XKR4: variants seen among roughly 807,000 people sequenced by gnomAD.
The protein encoded by XKR4 is XK-related protein 4.
A neutral mutation model predicts 53.9 loss-of-function variants in XKR4; 12 were observed. That is an observed-to-expected ratio of 0.22 (90% CI 0.14 to 0.36). The LOEUF (loss-of-function observed/expected upper bound fraction) is 0.36, where lower values mean the gene tolerates loss of function less well. XKR4 is among the 10% of genes least tolerant of loss of function. The pLI, the probability that XKR4 is intolerant of heterozygous loss-of-function variation, is 1.00. For missense variants in XKR4, 799 were observed against 859.5 expected (o/e 0.93, Z 0.88); for synonymous variants, 354 against 362.4 (o/e 0.98, Z 0.26).
At chr8:55,389,038 T>A (rs1642634143) in intron 2 of XKR4, among the ~76,000 whole-genome samples, 2 of 152,174 alleles carry the variant, frequency 1.3e-5, no homozygotes, top group South Asian at 4.1e-4. Context: ...ACAGGTCTTC[T>A]TTTAAAAAGG....
chr8:55,373,945 C>T (rs986091483), intron 2 of XKR4, among the ~76,000 whole-genome samples: 1 of 151,962 alleles, frequency 6.6e-6, no homozygotes, highest in African/African-American at 2.4e-5. Flanking sequence ...TGTACAAATG[C>T]TTGGAGGGGA....
intron 2 of XKR4, chr8:55,451,985 A>G (rs1310984000): frequency 1.9e-5 from 15 of 774,652 alleles, no homozygotes; most frequent in Non-Finnish European, 3.3e-5. Context: ...TGCGAGTGAC[A>G]TGCTGCCGCC....
intron 1 of XKR4, among the ~76,000 whole-genome samples, chr8:55,158,470 T>C (rs747481146): frequency 7.2e-5 from 11 of 152,232 alleles, no homozygotes; most frequent in African/African-American, 1.2e-4. Flanking sequence ...CTGTTGGTAG[T>C]TTCTTTTACT....
intron 1 of XKR4, among the ~76,000 whole-genome samples, chr8:55,190,095 A>C (rs546724997): frequency 6.6e-6 from 1 of 152,316 alleles, no homozygotes; most frequent in South Asian, 2.1e-4. Flanking sequence ...GTGTGTTTAA[A>C]CCATTTTGAG....
rs1400439387 is a variant in XKR4, at chr8:55,396,119, G to A, written c.1006+38242G>A. Among the ~76,000 whole-genome samples, 6 of 152,208 alleles carry A rather than the reference G, an allele frequency of 3.9e-5. No individual in the cohort carries two copies. The East Asian group carries it at 1.2e-3, about 29-fold the overall frequency. ...ATGGGGGTATTAGGGTTTTAACACAGGAATTTCAAAAGGACACATTCAGTT... is the reference window on the plus strand; with the variant it reads ...ATGGGGGTATTAGGGTTTTAACACAAGAATTTCAAAAGGACACATTCAGTT... On this transcript the variant is annotated intron_variant, in intron 2 of 2. Transcript: ENST00000327381.
At chr8:55,452,765 A>G in intron 2 of XKR4, 2 of 815,004 alleles carry the variant, frequency 2.5e-6, no homozygotes, top group Non-Finnish European at 4.3e-6. Context: ...TCCCCGTGTC[A>G]TAGCTCTCAG....
Position 55,176,539 on chromosome 8 carries a change from G to C in XKR4, c.806+73245G>C, listed in dbSNP as rs138397400. On this transcript the variant is annotated intron_variant, in intron 1 of 2. Transcript: ENST00000327381. ...GGTCTTTGGAACACAGAATAAAGTC[G>C]CTCTTTCTAAAAGCAATTCATTTTA... Among the ~76,000 whole-genome samples, 463 of 152,180 alleles carry C rather than the reference G, an allele frequency of 3.0e-3. 5 individuals carry two copies. The Middle Eastern group carries it at 0.037, about 12-fold the overall frequency.
chr8:55,137,875 T>G (rs541787845), intron 1 of XKR4, among the ~76,000 whole-genome samples: 5 of 152,066 alleles, frequency 3.3e-5, no homozygotes, highest in African/African-American at 9.6e-5. Flanking sequence ...TCACAGAAAA[T>G]TATAAAAGAC....
intron 1 of XKR4, among the ~76,000 whole-genome samples, chr8:55,306,517 C>T (rs111822417): frequency 1.5e-4 from 23 of 152,190 alleles, no homozygotes; most frequent in South Asian, 2.1e-4. Context: ...ACTATCATGG[C>T]GGAAGGCAAG....
intron 2 of XKR4, among the ~76,000 whole-genome samples, chr8:55,374,203 A>C (rs182636260): frequency 6.6e-6 from 1 of 152,388 alleles, no homozygotes; most frequent in Non-Finnish European, 1.5e-5. Context: ...ATAATAATGT[A>C]TCACATTATT....
intron 1 of XKR4, among the ~76,000 whole-genome samples, chr8:55,103,855 A>G (rs200890144): frequency 0.2 from 8,102 of 40,374 alleles, 524 homozygotes; most frequent in Admixed American, 0.25. Context: ...GACTTTGTAT[A>G]TATATATATA....
Position 55,483,453 on chromosome 8 carries a change from G to C in XKR4, c.1007-39828G>C, listed in dbSNP as rs560030227. Among the ~76,000 whole-genome samples, 49 of 152,150 alleles carry C rather than the reference G, an allele frequency of 3.2e-4. 1 individual carries two copies. The South Asian group carries it at 9.9e-3, about 31-fold the overall frequency. ...AAATTTGGCTAGAAATAAGGTTTTCGTTGCAAGAAGTAATGAGAAATGGGG... is the reference window on the plus strand; with the variant it reads ...AAATTTGGCTAGAAATAAGGTTTTCCTTGCAAGAAGTAATGAGAAATGGGG... On this transcript the variant is annotated intron_variant, in intron 2 of 2. Transcript: ENST00000327381.
intron 1 of XKR4, among the ~76,000 whole-genome samples, chr8:55,159,550 G>T (rs944513461): frequency 2.0e-5 from 3 of 152,192 alleles, no homozygotes; most frequent in Non-Finnish European, 4.4e-5. Flanking sequence ...GGGTCATGTT[G>T]CCCTATATAA....
At chr8:55,258,556 C>T (rs1265711561) in intron 1 of XKR4, among the ~76,000 whole-genome samples, 4 of 152,150 alleles carry the variant, frequency 2.6e-5, no homozygotes, top group Admixed American at 2.0e-4. Context: ...TCAATGTCCA[C>T]CTCACAGAGC....
chr8:55,163,023 A>G (rs1328326668), intron 1 of XKR4, among the ~76,000 whole-genome samples: 3 of 152,240 alleles, frequency 2.0e-5, no homozygotes, highest in African/African-American at 7.2e-5. Context: ...CACCATGCAG[A>G]GAAAGATCAG....
At chr8:55,233,972 A>C (rs550329746) in intron 1 of XKR4, among the ~76,000 whole-genome samples, 5 of 152,334 alleles carry the variant, frequency 3.3e-5, no homozygotes, top group Admixed American at 6.5e-5. Flanking sequence ...CCCAGAATAC[A>C]TGTGTCAGAG....
chr8:55,510,687 A>G (rs2658946), intron 2 of XKR4, among the ~76,000 whole-genome samples: 102,211 of 152,092 alleles, frequency 0.67, 34,993 homozygotes, highest in East Asian at 0.86. Context: ...AAAGAGCAGC[A>G]AGTTACTCTC....
chr8:55,499,974 G>A (rs1286634183), intron 2 of XKR4, among the ~76,000 whole-genome samples: 1 of 152,062 alleles, frequency 6.6e-6, no homozygotes, highest in Non-Finnish European at 1.5e-5. Flanking sequence ...GAAAATAATA[G>A]CCAGTGTCAA....
At chr8:55,209,319 G>T (rs574369847) in intron 1 of XKR4, among the ~76,000 whole-genome samples, 1 of 151,912 alleles carries the variant, frequency 6.6e-6, no homozygotes, top group African/African-American at 2.4e-5. Context: ...TGCTGTCCTC[G>T]TTCCCATTTT....
Sources: allele counts gnomAD v4.1 joint callset (sites outside exome capture counted in the v4.1 genomes callset), GRCh38; gene constraint gnomAD v4.1.1; transcripts MANE v1.5; gene names NCBI Gene and HGNC (gene_info 2026-07-23, HGNC 2026-07-21).